Variants in DACH1 observed in about 807,000 individuals in gnomAD.
DACH1 encodes dachshund homolog 1.
A neutral mutation model predicts 54.2 loss-of-function variants in DACH1; 12 were observed. The observed-to-expected ratio is 0.22, with a 90% CI of 0.14 to 0.36. The LOEUF (loss-of-function observed/expected upper bound fraction) is 0.36. DACH1 is among the 10% of genes least tolerant of loss of function. DACH1 has a pLI of 1.00. For synonymous variants in DACH1, 386 were observed against 366.2 expected, an observed-to-expected ratio of 1.05 and a Z score of -0.62; for missense variants, 805 against 929.8, an observed-to-expected ratio of 0.87 and a Z score of 1.75.
intron 4 of DACH1, 116 bp from the exon 5 acceptor site, chr13:71,560,071 T>G: frequency 8.6e-7 from 1 of 1,163,922 alleles, no homozygotes; most frequent in Non-Finnish European, 1.2e-6. Flanking sequence ...ATAAACACTT[T>G]ACTTCATCAG....
intron 1 of DACH1, among the ~76,000 whole-genome samples, chr13:71,690,753 G>A (rs1234886756): frequency 6.6e-6 from 1 of 152,020 alleles, no homozygotes; most frequent in Non-Finnish European, 1.5e-5. Flanking sequence ...ACAAGATGGC[G>A]AGATCCCATC....
intron 1 of DACH1, among the ~76,000 whole-genome samples, chr13:71,707,118 C>A (rs186103755): frequency 6.6e-6 from 1 of 152,238 alleles, no homozygotes; most frequent in African/African-American, 2.4e-5. Context: ...AACATTAAGA[C>A]AGGTCTGTCC....
chr13:71,806,737 T>A (rs1306079787), intron 1 of DACH1, among the ~76,000 whole-genome samples: 1 of 152,178 alleles, frequency 6.6e-6, no homozygotes, highest in East Asian at 1.9e-4. Flanking sequence ...CTACCTATCG[T>A]GAAATATTTT....
At chr13:71,612,235 CT>C (rs768984486) in intron 3 of DACH1, among the ~76,000 whole-genome samples, 62 of 152,128 alleles carry the variant, frequency 4.1e-4, no homozygotes, top group East Asian at 5.8e-4. Flanking sequence ...ATCCTTTCTC[CT>C]CACTCCATAA....
chr13:71,634,892 G>T (rs909204253), intron 2 of DACH1, among the ~76,000 whole-genome samples: 1 of 152,156 alleles, frequency 6.6e-6, no homozygotes, highest in Non-Finnish European at 1.5e-5. Flanking sequence ...TATTCTACAG[G>T]TCATTTTAAT....
chr13:71,662,601 G>C (rs1566414992), intron 2 of DACH1, among the ~76,000 whole-genome samples: 1 of 151,936 alleles, frequency 6.6e-6, no homozygotes, highest in African/African-American at 2.4e-5. Flanking sequence ...ATACTCTAAT[G>C]ATCTAAAAAT....
chr13:71,790,314 G>T (rs1043658648), intron 1 of DACH1, among the ~76,000 whole-genome samples: 3 of 152,112 alleles, frequency 2.0e-5, no homozygotes, highest in Non-Finnish European at 2.9e-5. Flanking sequence ...ATGCATGATA[G>T]TTTTTAACTG....
rs1359217009 is a variant in DACH1 at position 71,634,394 on chromosome 13, C to T, written c.965-3677G>A. On this transcript the variant is annotated intron_variant, in intron 2 of 10. Coordinates refer to ENST00000613252, the MANE Select transcript of DACH1 (RefSeq NM_080759.6). ...CCTATCTGTATGTATTCCTGCTCCT[C>T]CGGCTCCCCCTTGCTCTCTGTGCTC... 2.0e-5 allele frequency among the ~76,000 whole-genome samples: 3 copies of T among 152,146 alleles called. No homozygotes were observed. In the East Asian group the frequency reaches 5.8e-4, roughly 29 times the overall value.
At chr13:71,551,338 T>G (rs1264323570) in intron 6 of DACH1, among the ~76,000 whole-genome samples, 1 of 152,140 alleles carries the variant, frequency 6.6e-6, no homozygotes, top group Non-Finnish European at 1.5e-5. Flanking sequence ...CTCTTCTAGG[T>G]ATTTTGAAAT....
chr13:71,496,492 T>C (rs1879452959), intron 6 of DACH1, among the ~76,000 whole-genome samples: 1 of 151,658 alleles, frequency 6.6e-6, no homozygotes, highest in Non-Finnish European at 1.5e-5. Flanking sequence ...TGTTCTCATT[T>C]ATAAGTGGGA....
intron 7 of DACH1, among the ~76,000 whole-genome samples, chr13:71,485,625 G>A (rs564269122): frequency 6.3e-5 from 7 of 111,144 alleles, no homozygotes; most frequent in South Asian, 3.1e-4. Flanking sequence ...TTGTTCTGTC[G>A]CCAGGCTGGA....
At chr13:71,660,628 A>G (rs988904114) in intron 2 of DACH1, among the ~76,000 whole-genome samples, 1 of 152,024 alleles carries the variant, frequency 6.6e-6, no homozygotes, top group Non-Finnish European at 1.5e-5. Flanking sequence ...ATGGTACTAC[A>G]TGTACCACAG....
chr13:71,683,070 T>A (rs1292765530), intron 1 of DACH1, among the ~76,000 whole-genome samples: 5 of 152,112 alleles, frequency 3.3e-5, no homozygotes, highest in African/African-American at 1.2e-4. Flanking sequence ...AAAGATGTTA[T>A]CTATTTAATT....
intron 4 of DACH1, among the ~76,000 whole-genome samples, chr13:71,568,412 G>A (rs943443523): frequency 1.3e-5 from 2 of 151,774 alleles, no homozygotes; most frequent in Non-Finnish European, 2.9e-5. Flanking sequence ...TGTGATAGAG[G>A]GTGACTTCAA....
intron 6 of DACH1, among the ~76,000 whole-genome samples, chr13:71,522,458 C>T (rs1218101218): frequency 6.6e-6 from 1 of 151,978 alleles, no homozygotes; most frequent in Admixed American, 6.6e-5. Flanking sequence ...ACTTTCGCCC[C>T]AAATAATCCA....
chr13:71,475,065 G>T, intron 10 of DACH1, 76 bp downstream of exon 10: 2 of 1,343,600 alleles, frequency 1.5e-6, no homozygotes, highest in Non-Finnish European at 2.1e-6. Context: ...TAGGCTACAT[G>T]CTTGAATAGC....
chr13:71,690,928 A>G (rs552412060), intron 1 of DACH1, among the ~76,000 whole-genome samples: 2 of 152,328 alleles, frequency 1.3e-5, no homozygotes, highest in East Asian at 3.9e-4. Flanking sequence ...TGAGACCCCA[A>G]GTAGTATCTA....
chr13:71,592,197 A>G (rs970517923), intron 3 of DACH1, among the ~76,000 whole-genome samples: 2 of 152,164 alleles, frequency 1.3e-5, no homozygotes, highest in African/African-American at 4.8e-5. Flanking sequence ...AGGAGAAAGA[A>G]GTACTTTGAA....
intron 1 of DACH1, among the ~76,000 whole-genome samples, chr13:71,864,567 G>A (rs2138301955): frequency 6.6e-6 from 1 of 152,180 alleles, no homozygotes; most frequent in Non-Finnish European, 1.5e-5. Flanking sequence ...CGCAAATTTT[G>A]CGCGCAGTTC....
Sources: allele counts gnomAD v4.1 joint callset (sites outside exome capture counted in the v4.1 genomes callset), GRCh38; gene constraint gnomAD v4.1.1; transcripts MANE v1.5; gene names NCBI Gene and HGNC (gene_info 2026-07-23, HGNC 2026-07-21).